The following ZYG11B variants were observed in gnomAD, a reference collection of about 807,000 sequenced individuals.
ZYG11B encodes zyg-11 family member B, cell cycle regulator.
Under a neutral mutation model 82.4 loss-of-function variants are expected in ZYG11B, and 36 were observed. That is an observed-to-expected ratio of 0.44 (90% confidence interval 0.33 to 0.58). The LOEUF is 0.58. Ranked by LOEUF, ZYG11B falls within the 20% of genes least tolerant of loss-of-function variation. The pLI is 0.02. For synonymous variants in ZYG11B, 303 were observed against 312.8 expected, an observed-to-expected ratio of 0.97 and a Z score of 0.33; for missense variants, 552 against 895.6, an observed-to-expected ratio of 0.62 and a Z score of 4.90.
Position 52,790,083 on chromosome 1 carries a change from A to G in ZYG11B, c.1334+16A>G, listed in dbSNP as rs769835259. ...CATTTAACAGGCAAGTGATAGCTCT[A>G]GAACTTAAAGTGGGGCAAAACAGAA... is the stretch of plus-strand genomic sequence containing the variant. On this transcript the variant is annotated intron_variant, in intron 6 of 13. Transcript: ENST00000294353. 2.6e-6 allele frequency: 4 copies of G among 1,565,240 alleles called. No individual in the cohort carries two copies. In the South Asian group the frequency reaches 3.7e-5, roughly 15 times the overall value.
At chr1:52,734,105 C>T (rs1644357860) in intron 1 of ZYG11B, among the ~76,000 whole-genome samples, 1 of 152,166 alleles carries the variant, frequency 6.6e-6, no homozygotes, top group East Asian at 1.9e-4. Context: ...CTTAGATGAT[C>T]TCTTGCTTCA....
At position 52,757,740 on chromosome 1, in the gene ZYG11B, T is replaced by C. The variant is rs562438080; in HGVS notation, c.196+1117T>C. ...CATTTGACAGTAGGAGGATTATTAC[T>C]GTTATGGAAAAACTAATTTCTGATT... On this transcript the variant is annotated intron_variant, in intron 2 of 13. Transcript: ENST00000294353. 2.4e-3 allele frequency among the ~76,000 whole-genome samples: 368 copies of C among 152,110 alleles called. 1 individual carries two copies. The highest frequency in any genetic ancestry group is 4.0e-3 in the Non-Finnish European group (273 of 68,002).
At chr1:52,728,985 G>A (rs1385147947) in intron 1 of ZYG11B, among the ~76,000 whole-genome samples, 1 of 152,158 alleles carries the variant, frequency 6.6e-6, no homozygotes, top group African/African-American at 2.4e-5. Flanking sequence ...AGGCTAGCAA[G>A]ATACTGTCTT....
chr1:52,824,009 C>G lies in ZYG11B; in HGVS notation c.*2380C>G, dbSNP rs1431851844. 1 of 152,074 alleles carries G rather than the reference C, an allele frequency of 6.6e-6. No individual in the cohort carries two copies. Among genetic ancestry groups the G allele is most frequent in the African/African-American group, 2.4e-5 (1 of 41,416 alleles). 9.4% of individuals were successfully genotyped at this position (152,074 alleles called of 1,614,324 possible). On this transcript the variant is annotated 3_prime_UTR_variant, in exon 14 of 14. Transcript: ENST00000294353. ...AGCTGGGCATGGTGGCTTTTTTGCA[C>G]GCCTATAGTCCCAGCTACTCGGGAG...
At chr1:52,730,009 T>C (rs1424942988) in intron 1 of ZYG11B, among the ~76,000 whole-genome samples, 1 of 152,094 alleles carries the variant, frequency 6.6e-6, no homozygotes, top group Non-Finnish European at 1.5e-5. Flanking sequence ...GGTTTCGCCA[T>C]GTTGCCTAGG....
At position 52,781,968 on chromosome 1, in the gene ZYG11B, A is replaced by G. The variant is rs186507061; in HGVS notation, c.1092+1975A>G. 4.7e-3 allele frequency among the ~76,000 whole-genome samples: 716 copies of G among 152,208 alleles called. 7 individuals are homozygous for G. Among genetic ancestry groups the G allele is most frequent in the African/African-American group, 0.017 (693 of 41,512 alleles). The stretch of plus-strand genomic sequence containing the variant: ...TTTTGATTACTGTGAACTGAGCAAC[A>G]GAAGACTAGATCTCTAGTCTTGATC... On this transcript the variant is annotated intron_variant, in intron 4 of 13. Coordinates refer to ENST00000294353, the MANE Select transcript of ZYG11B (RefSeq NM_024646.3).
At chr1:52,765,926 A>G (rs1278766219) in intron 2 of ZYG11B, among the ~76,000 whole-genome samples, 2 of 151,922 alleles carry the variant, frequency 1.3e-5, no homozygotes, top group East Asian at 3.9e-4. Flanking sequence ...CTTGTTATTT[A>G]AATTAGGTAA....
At position 52,811,874 on chromosome 1, in the gene ZYG11B, CA is replaced by C. The variant is rs1281400681; in HGVS notation, c.1696-1655del. 2.6e-4 allele frequency among the ~76,000 whole-genome samples: 39 copies of C among 152,070 alleles called. 1 individual carries two copies. Among genetic ancestry groups the C allele is most frequent in the Admixed American group, 1.7e-3 (26 of 15,276 alleles). ...TGAAACCCCGTCTCTACTAAAAATACAAAAAAATTAGCCAGGCATGGTAGCG... is the reference window on the plus strand; with the variant it reads ...TGAAACCCCGTCTCTACTAAAAATACAAAAAATTAGCCAGGCATGGTAGCG... On this transcript the variant is annotated intron_variant, in intron 10 of 13. Transcript: ENST00000294353.
At chr1:52,811,563 C>A (rs76323219) in intron 10 of ZYG11B, among the ~76,000 whole-genome samples, 2,160 of 152,254 alleles carry the variant, frequency 0.014, 59 homozygotes, top group African/African-American at 0.05. Context: ...ACCTCAACCT[C>A]CTGTGCTGGG....
At chr1:52,758,003 C>T (rs1644594149) in intron 2 of ZYG11B, among the ~76,000 whole-genome samples, 1 of 151,688 alleles carries the variant, frequency 6.6e-6, no homozygotes, top group African/African-American at 2.4e-5. Flanking sequence ...AGTTCGAGAC[C>T]AGCCTGACCC....
intron 8 of ZYG11B, among the ~76,000 whole-genome samples, chr1:52,800,871 T>A (rs1333262117): frequency 6.6e-6 from 1 of 152,148 alleles, no homozygotes; most frequent in Non-Finnish European, 1.5e-5. Context: ...TACATGTTTA[T>A]GTTTCTTCAG....
chr1:52,801,120 G>A (rs953998878), intron 8 of ZYG11B, among the ~76,000 whole-genome samples: 1 of 151,718 alleles, frequency 6.6e-6, no homozygotes, highest in African/African-American at 2.4e-5. Context: ...TTTTTTGAAA[G>A]GGAGGAAGGG....
chr1:52,759,314 T>C (rs1490747554), intron 2 of ZYG11B, among the ~76,000 whole-genome samples: 1 of 152,210 alleles, frequency 6.6e-6, no homozygotes, highest in Non-Finnish European at 1.5e-5. Flanking sequence ...CTTTGCCAGA[T>C]TGGGTTATCC....
intron 6 of ZYG11B, among the ~76,000 whole-genome samples, chr1:52,792,515 A>G (rs1226113920): frequency 1.3e-5 from 2 of 152,216 alleles, no homozygotes; most frequent in Non-Finnish European, 2.9e-5. Context: ...TTCATTTTAC[A>G]GATGAGGAAA....
At chr1:52,805,547 G>C (rs1489210433) in intron 10 of ZYG11B, 3 of 453,948 alleles carry the variant, frequency 6.6e-6, no homozygotes, top group African/African-American at 2.0e-5. Context: ...TTAAATATTT[G>C]TGGGTTGGGT....
At chr1:52,759,829 G>T (rs1384432755) in intron 2 of ZYG11B, among the ~76,000 whole-genome samples, 2 of 151,992 alleles carry the variant, frequency 1.3e-5, no homozygotes, top group Non-Finnish European at 2.9e-5. Flanking sequence ...TTTATTTATT[G>T]CTGTTACTAT....
chr1:52,820,040 A>G (rs184874957), intron 13 of ZYG11B, among the ~76,000 whole-genome samples: 1 of 151,000 alleles, frequency 6.6e-6, no homozygotes, highest in Non-Finnish European at 1.5e-5. Flanking sequence ...CAGCCTTCCA[A>G]GTAGCTGGGA....
chr1:52,797,578 G>A (rs901507056), intron 8 of ZYG11B, among the ~76,000 whole-genome samples: 4 of 134,078 alleles, frequency 3.0e-5, no homozygotes, highest in East Asian at 2.2e-4. Context: ...GTACGATCTC[G>A]GCTCACTGAA....
At chr1:52,735,599 C>T (rs1483733039) in intron 1 of ZYG11B, among the ~76,000 whole-genome samples, 2 of 151,984 alleles carry the variant, frequency 1.3e-5, no homozygotes, top group Non-Finnish European at 1.5e-5. Flanking sequence ...TGCAGTGGCG[C>T]GATCTCGGCT....
Sources: gnomAD v4.1 joint callset for allele counts (sites outside exome capture counted in the v4.1 genomes callset) on GRCh38, gnomAD v4.1.1 for gene constraint, MANE v1.5 for transcripts, NCBI Gene and HGNC (gene_info 2026-07-23, HGNC 2026-07-21) for gene names.